Variants in STON1 observed in about 807,000 individuals in gnomAD.
STON1 encodes the protein stonin-1.
Under a neutral mutation model 60.9 loss-of-function variants are expected in STON1, and 79 were observed. The observed-to-expected ratio is 1.30, with a 90% CI of 1.08 to 1.56. The LOEUF is 1.56. Ranked by LOEUF, STON1 falls within the 40% of genes most tolerant of loss-of-function variation. The pLI is 0.00. For synonymous variants in STON1, 363 were observed against 306.9 expected, an observed-to-expected ratio of 1.18 and a Z score of -1.91; for missense variants, 1,166 against 858.9, an observed-to-expected ratio of 1.36 and a Z score of -4.47.
chr2:48,557,413 T>G (rs1378376951), intron 1 of STON1, among the ~76,000 whole-genome samples: 34 of 80,904 alleles, frequency 4.2e-4, no homozygotes, highest in African/African-American at 9.4e-4. Context: ...TTCCTAGATG[T>G]GATGGCGGCC....
At chr2:48,538,251 C>G (rs1012734473) in intron 1 of STON1, among the ~76,000 whole-genome samples, 3 of 152,112 alleles carry the variant, frequency 2.0e-5, no homozygotes. Context: ...GCCACCGTGC[C>G]TGGCTGGCAT....
intron 3 of STON1, among the ~76,000 whole-genome samples, chr2:48,593,797 ACTAT>A (rs1170718853): frequency 6.6e-6 from 1 of 152,136 alleles, no homozygotes; most frequent in Non-Finnish European, 1.5e-5. Flanking sequence ...TTTATTTTGG[ACTAT>A]CTGTTTAGAA....
intron 1 of STON1, among the ~76,000 whole-genome samples, chr2:48,564,461 CTTCTTCTTCTTCTTCTTCTTTCTTCTT>C (rs1672766530): frequency 3.7e-5 from 2 of 54,464 alleles, no homozygotes; most frequent in African/African-American, 1.4e-4. Flanking sequence ...TCTTCTTCTT[CTTCTTCTTCTTCTTCTTCTTTCTTCTT>C]CTTCTTCTTC....
At chr2:48,554,134 C>T (rs563599298) in intron 1 of STON1, among the ~76,000 whole-genome samples, 2 of 152,276 alleles carry the variant, frequency 1.3e-5, no homozygotes, top group African/African-American at 4.8e-5. Context: ...AGCTAGTGTG[C>T]CTTGCTGAGC....
intron 1 of STON1, among the ~76,000 whole-genome samples, chr2:48,564,008 G>A (rs1228514217): frequency 6.6e-6 from 1 of 151,990 alleles, no homozygotes; most frequent in Admixed American, 6.6e-5. Flanking sequence ...CTCCACGTGG[G>A]TTCTTAAGGA....
intron 1 of STON1, among the ~76,000 whole-genome samples, chr2:48,576,533 A>G (rs182496498): frequency 1.6e-4 from 24 of 148,106 alleles, no homozygotes; most frequent in African/African-American, 5.8e-4. Flanking sequence ...AATAATGGCC[A>G]TTCTAAAAGG....
chr2:48,586,926 G>A (rs975527838), intron 2 of STON1, among the ~76,000 whole-genome samples: 1 of 152,106 alleles, frequency 6.6e-6, no homozygotes, highest in African/African-American at 2.4e-5. Context: ...ATTCTCTATG[G>A]GCATGAGGGA....
At position 48,596,427 on chromosome 2, in the gene STON1, T is replaced by A. The variant is rs1432601179; in HGVS notation, c.*1125T>A. On this transcript the variant is annotated 3_prime_UTR_variant, in exon 4 of 4. Transcript: ENST00000404752. ...TAGCAGTTATAATTCTGTTTATAAT[T>A]TCCTTTCAGCATTTACAGTGAAAAG... 6.6e-6 allele frequency: 1 copy of A among 152,224 alleles called. No individual in the cohort carries two copies. The highest frequency in any genetic ancestry group is 1.5e-5 in the Non-Finnish European group (1 of 68,030). The allele number at this position is 152,224 out of a possible 1,614,324, so 9.4% of individuals were successfully genotyped here.
At chr2:48,570,990 G>A (rs928199933) in intron 1 of STON1, among the ~76,000 whole-genome samples, 2 of 151,786 alleles carry the variant, frequency 1.3e-5, no homozygotes, top group African/African-American at 4.8e-5. Flanking sequence ...AGCCTCCCGA[G>A]TAGCTGTGAG....
chr2:48,583,348 C>T (rs775283574), intron 2 of STON1, among the ~76,000 whole-genome samples: 1 of 152,178 alleles, frequency 6.6e-6, no homozygotes, highest in Non-Finnish European at 1.5e-5. Flanking sequence ...ATTGGCCTCC[C>T]AAAATGCTAG....
chr2:48,560,899 C>A (rs972829702), intron 1 of STON1, among the ~76,000 whole-genome samples: 1 of 152,212 alleles, frequency 6.6e-6, no homozygotes, highest in African/African-American at 2.4e-5. Flanking sequence ...AATCAGCAAG[C>A]CCCAAAGTCT....
At chr2:48,563,161 C>T (rs929980135) in intron 1 of STON1, among the ~76,000 whole-genome samples, 2 of 152,234 alleles carry the variant, frequency 1.3e-5, no homozygotes, top group Non-Finnish European at 2.9e-5. Context: ...TGCAGAGACC[C>T]ATTCCCATGG....
intron 2 of STON1, 44 bp from the exon 3 acceptor site, chr2:48,591,609 T>C: frequency 6.2e-7 from 1 of 1,601,642 alleles, no homozygotes; most frequent in Non-Finnish European, 8.5e-7. Flanking sequence ...AAATGTTCAA[T>C]GGCCATTAAA....
chr2:48,535,361 T>C (rs1006780171), intron 1 of STON1, among the ~76,000 whole-genome samples: 1 of 152,062 alleles, frequency 6.6e-6, no homozygotes, highest in African/African-American at 2.4e-5. Flanking sequence ...GAGGTGGAAA[T>C]ATTTAGTGTG....
chr2:48,580,371 G>C (rs4465808), intron 1 of STON1, among the ~76,000 whole-genome samples: 124,727 of 152,160 alleles, frequency 0.82, 51,619 homozygotes, highest in African/African-American at 0.94. Flanking sequence ...CATGGAATAT[G>C]TTTTTTCATC....
At chr2:48,546,890 C>T (rs1038356680) in intron 1 of STON1, among the ~76,000 whole-genome samples, 1 of 152,146 alleles carries the variant, frequency 6.6e-6, no homozygotes, top group African/African-American at 2.4e-5. Flanking sequence ...TCACACACAC[C>T]TTTCACCACA....
Position 48,581,903 on chromosome 2 carries a change from T to TG in STON1, c.1274dup (p.Lys426Ter). 1.2e-6 allele frequency: 2 copies of TG among 1,614,028 alleles called. No homozygotes were observed. Among genetic ancestry groups the TG allele is most frequent in the Non-Finnish European group, 1.7e-6 (2 of 1,180,006 alleles). ...TTCCTTGGAAATTGTGGACAACTTTTGGGGTAAAGTCACAAAAGAAGGAAA... is the reference window on the plus strand; with the variant it reads ...TTCCTTGGAAATTGTGGACAACTTTTGGGGGTAAAGTCACAAAAGAAGGAAA... On this transcript the variant is annotated frameshift_variant, in exon 2 of 4. Coordinates refer to ENST00000404752, the MANE Select transcript of STON1 (RefSeq NM_006873.4). LOFTEE classifies it high-confidence loss of function.
At chr2:48,571,697 T>C (rs1673217856) in intron 1 of STON1, among the ~76,000 whole-genome samples, 1 of 152,140 alleles carries the variant, frequency 6.6e-6, no homozygotes, top group Admixed American at 6.5e-5. Context: ...TGTGGCCCCC[T>C]TTCCTATGAG....
rs745926096 is a variant in STON1, at chr2:48,582,045, A to G, written c.1412A>G (p.Tyr471Cys). The G allele has an allele frequency of 1.2e-6, 2 of 1,614,172 alleles. No homozygotes were observed. Among genetic ancestry groups the G allele is most frequent in the South Asian group, 2.2e-5 (2 of 91,080 alleles). Residue 471 changes from tyrosine (Y) to cysteine (C), a missense_variant, in exon 2 of 4, where the codon TAT becomes TGT. Tyr to Cys is a radical substitution (Grantham distance 194, BLOSUM62 -2). Transcript: ENST00000404752. ...LELPKRDESY[Y>C]EKDSEKKGID... is the part of the protein sequence containing the mutation. ...TTGCCGAAGCGAGATGAATCCTATTATGAGAAGGACTCAGAAAAAAAGGGG... is the reference window on the plus strand; with the variant it reads ...TTGCCGAAGCGAGATGAATCCTATTGTGAGAAGGACTCAGAAAAAAAGGGG...
Sources: gnomAD v4.1 joint callset for allele counts (sites outside exome capture counted in the v4.1 genomes callset) on GRCh38, gnomAD v4.1.1 for gene constraint, MANE v1.5 for transcripts, NCBI Gene and HGNC (gene_info 2026-07-23, HGNC 2026-07-21) for gene names.